NCOA1: variants seen among roughly 807,000 people sequenced by gnomAD.
NCOA1 encodes the protein nuclear receptor coactivator 1.
A neutral mutation model predicts 150.9 loss-of-function variants in NCOA1; 35 were observed. The ratio of observed to expected loss-of-function variants is 0.23; its 90% confidence interval spans 0.18 to 0.31. NCOA1 has a LOEUF of 0.31. NCOA1 is among the 10% of genes least tolerant of loss of function. The pLI is 1.00. For missense variants in NCOA1, 1,491 were observed against 1,749.3 expected (o/e 0.85, Z 2.63); for synonymous variants, 590 against 630.0 (o/e 0.94, Z 0.95).
At chr2:24,523,071 T>C (rs1442336249) in intron 1 of NCOA1, among the ~76,000 whole-genome samples, 1 of 152,202 alleles carries the variant, frequency 6.6e-6, no homozygotes, top group East Asian at 1.9e-4. Flanking sequence ...CTCTTTTATA[T>C]GTATGGTCAA....
intron 1 of NCOA1, among the ~76,000 whole-genome samples, chr2:24,556,509 A>G (rs1187493264): frequency 3.3e-5 from 5 of 152,222 alleles, no homozygotes; most frequent in South Asian, 2.1e-4. Flanking sequence ...ATCCCAAGTA[A>G]TGGCATTGCT....
At chr2:24,723,219 C>T (rs547564895) in intron 14 of NCOA1, among the ~76,000 whole-genome samples, 1 of 152,234 alleles carries the variant, frequency 6.6e-6, no homozygotes, top group Admixed American at 6.5e-5. Context: ...TACACATTAG[C>T]TGTTCTGTAT....
intron 17 of NCOA1, among the ~76,000 whole-genome samples, chr2:24,730,892 AAC>A (rs1553313738): frequency 4.7e-5 from 7 of 148,754 alleles, no homozygotes; most frequent in South Asian, 2.2e-4. Context: ...AAAAAAAAAA[AAC>A]GGGCATGGTG....
At chr2:24,608,537 G>T (rs1318165560) in intron 3 of NCOA1, among the ~76,000 whole-genome samples, 1 of 151,524 alleles carries the variant, frequency 6.6e-6, no homozygotes, top group Non-Finnish European at 1.5e-5. Context: ...AAAGTACTGG[G>T]ATTATAGGCA....
chr2:24,694,431 A>G (rs1163399961), intron 10 of NCOA1, among the ~76,000 whole-genome samples: 1 of 152,182 alleles, frequency 6.6e-6, no homozygotes, highest in Non-Finnish European at 1.5e-5. Flanking sequence ...GTGAAAGTTT[A>G]GTTTTAGTGT....
Position 24,769,702 on chromosome 2 carries a change from T to A in NCOA1, c.*1311T>A, listed in dbSNP as rs1466220676. The A allele has an allele frequency of 9.1e-6, 2 of 219,468 alleles. No individual in the cohort carries two copies. Among genetic ancestry groups the A allele is most frequent in the Non-Finnish European group, 1.8e-5 (2 of 109,138 alleles). The allele number at this position is 219,468 out of a possible 1,614,324, so 13.6% of individuals were successfully genotyped here. On this transcript the variant is annotated 3_prime_UTR_variant, in exon 23 of 23. Coordinates refer to ENST00000348332, the MANE Select transcript of NCOA1 (RefSeq NM_003743.5). ...GGTACCATATTTTCCCTTTGTGTCT[T>A]GTGACTCTGCCACATCCCATCTCAT...
chr2:24,670,051 T>C (rs1356992609), intron 6 of NCOA1, among the ~76,000 whole-genome samples: 1 of 152,154 alleles, frequency 6.6e-6, no homozygotes, highest in Non-Finnish European at 1.5e-5. Context: ...GGTGGGAGGA[T>C]TGCTTGAGCC....
At chr2:24,566,709 C>T (rs944360357) in intron 2 of NCOA1, among the ~76,000 whole-genome samples, 1 of 152,320 alleles carries the variant, frequency 6.6e-6, no homozygotes, top group East Asian at 1.9e-4. Flanking sequence ...CCAGGCTGTT[C>T]CTGCTGAGGG....
chr2:24,590,127 G>T (rs1254579139), intron 3 of NCOA1, among the ~76,000 whole-genome samples: 1 of 152,132 alleles, frequency 6.6e-6, no homozygotes, highest in Non-Finnish European at 1.5e-5. Context: ...TTATCTTAGT[G>T]TAAAATTCTT....
At chr2:24,508,547 G>A (rs562429341) in intron 1 of NCOA1, among the ~76,000 whole-genome samples, 1 of 152,002 alleles carries the variant, frequency 6.6e-6, no homozygotes, top group South Asian at 2.1e-4. Flanking sequence ...CTTTTTTGGG[G>A]GGAGAATTCA....
At chr2:24,628,073 G>T (rs1669512311) in intron 3 of NCOA1, among the ~76,000 whole-genome samples, 1 of 152,178 alleles carries the variant, frequency 6.6e-6, no homozygotes, top group Non-Finnish European at 1.5e-5. Flanking sequence ...GCTGAGGCGG[G>T]TGGAGGACCT....
At chr2:24,549,723 C>T (rs568659900) in intron 1 of NCOA1, among the ~76,000 whole-genome samples, 9 of 152,078 alleles carry the variant, frequency 5.9e-5, no homozygotes, top group African/African-American at 1.7e-4. Context: ...CCCACCACTG[C>T]GCCCAGCTAA....
intron 3 of NCOA1, among the ~76,000 whole-genome samples, chr2:24,633,700 G>A (rs1394069094): frequency 6.6e-6 from 1 of 152,158 alleles, no homozygotes; most frequent in African/African-American, 2.4e-5. Context: ...CATTGGGAAG[G>A]ATATGGGGAA....
intron 3 of NCOA1, among the ~76,000 whole-genome samples, chr2:24,612,213 T>G (rs1458271546): frequency 1.3e-5 from 2 of 152,250 alleles, no homozygotes; most frequent in Non-Finnish European, 2.9e-5. Context: ...TTGGAATTAC[T>G]TTAAGAATGC....
Position 24,621,631 on chromosome 2 carries a change from A to G in NCOA1, c.-174-22335A>G, listed in dbSNP as rs575567292. Among the ~76,000 whole-genome samples, 4 of 151,868 alleles carry G rather than the reference A, an allele frequency of 2.6e-5. No individual in the cohort carries two copies. The South Asian group carries it at 8.3e-4, about 32-fold the overall frequency. ...GTAGCTGGGATTACAGGCACCTGCC[A>G]CCATGCCCGGCTAATTTTTTGTATT... On this transcript the variant is annotated intron_variant, in intron 3 of 22. Transcript: ENST00000348332.
At position 24,519,478 on chromosome 2, in the gene NCOA1, T is replaced by C. The variant is rs546083346; in HGVS notation, c.-396+27876T>C. 1.1e-4 allele frequency among the ~76,000 whole-genome samples: 16 copies of C among 152,076 alleles called. 1 individual carries two copies. Among genetic ancestry groups the C allele is most frequent in the African/African-American group, 3.9e-4 (16 of 41,472 alleles). On this transcript the variant is annotated intron_variant, in intron 1 of 22. Transcript: ENST00000348332. The stretch of plus-strand genomic sequence containing the variant: ...TTTGAATATACCAAAAATCATTGAG[T>C]TGTACAAGTTTTTGTATGGTATATG...
At chr2:24,704,566 C>T (rs944322258) in intron 11 of NCOA1, among the ~76,000 whole-genome samples, 1 of 152,070 alleles carries the variant, frequency 6.6e-6, no homozygotes, top group Non-Finnish European at 1.5e-5. Context: ...CATTTGAGGT[C>T]AGGAGTTCAA....
chr2:24,726,178 T>A (rs968869810), intron 14 of NCOA1, among the ~76,000 whole-genome samples: 1 of 152,206 alleles, frequency 6.6e-6, no homozygotes, highest in African/African-American at 2.4e-5. Flanking sequence ...TTCCTGCCTC[T>A]GATAGAATGT....
Position 24,726,725 on chromosome 2 carries a change from A to T in NCOA1, c.2717+19A>T. On this transcript the variant is annotated intron_variant, in intron 15 of 22. Transcript: ENST00000348332. The stretch of plus-strand genomic sequence containing the variant: ...CAGAAGAGTAAGTAATACATTTTGT[A>T]TTTTATAAGGTATCAGATACCAACT... 1 of 1,521,794 alleles carries T rather than the reference A, an allele frequency of 6.6e-7. No homozygotes were observed. Among genetic ancestry groups the T allele is most frequent in the Non-Finnish European group, 9.0e-7 (1 of 1,111,884 alleles). 94.3% of individuals were successfully genotyped at this position (1,521,794 alleles called of 1,614,324 possible).
Sources: allele counts gnomAD v4.1 joint callset (sites outside exome capture counted in the v4.1 genomes callset), GRCh38; gene constraint gnomAD v4.1.1; transcripts MANE v1.5; gene names NCBI Gene and HGNC (gene_info 2026-07-23, HGNC 2026-07-21).